Variants in CPLANE1 observed in about 807,000 individuals in gnomAD.
The protein encoded by CPLANE1 is ciliogenesis and planar polarity effector complex subunit 1, also known as ciliogenesis and planar polarity effector 1.
CPLANE1 carries 263 observed loss-of-function variants against 362.5 expected under a neutral mutation model. That is an observed-to-expected ratio of 0.73 (90% CI 0.66 to 0.80). The LOEUF is 0.80. Ranked by LOEUF, CPLANE1 falls within the 30% of genes least tolerant of loss-of-function variation. The pLI, the probability that CPLANE1 is intolerant of heterozygous loss-of-function variation, is 0.00. For synonymous variants in CPLANE1, 1,212 were observed against 1,302.6 expected, an observed-to-expected ratio of 0.93 and a Z score of 1.50; for missense variants, 3,461 against 3,793.4, an observed-to-expected ratio of 0.91 and a Z score of 2.30.
At chr5:37,089,300 A>C in the CPLANE1 span, among the ~76,000 whole-genome samples, 1 of 152,154 alleles carries the variant, frequency 6.6e-6, no homozygotes, top group South Asian at 2.1e-4. Flanking sequence ...GCAGTTATAC[A>C]ACCTCTAATC....
intron 12 of CPLANE1, among the ~76,000 whole-genome samples, chr5:37,225,956 T>C (rs1796389461): frequency 6.6e-6 from 1 of 152,032 alleles, no homozygotes; most frequent in Non-Finnish European, 1.5e-5. Context: ...ATATGTATTG[T>C]ACAACATTTG....
intron 31 of CPLANE1, 55 bp from the exon 32 acceptor site, chr5:37,174,002 TTGAA>T (rs993400168): frequency 2.6e-5 from 36 of 1,398,886 alleles, no homozygotes; most frequent in Non-Finnish European, 3.4e-5. Flanking sequence ...AAAAAACAAA[TTGAA>T]TGTCTATGAT....
At chr5:37,198,579 T>A (rs1561574072) in intron 20 of CPLANE1, 123 bp downstream of exon 20, 2 of 925,460 alleles carry the variant, frequency 2.2e-6, no homozygotes, top group Non-Finnish European at 3.2e-6. Context: ...TATGAATAAA[T>A]CTGAAATTTG....
At position 37,165,449 on chromosome 5, in the gene CPLANE1, T is replaced by C. The variant is rs578043255; in HGVS notation, c.7533+90A>G. On this transcript the variant is annotated intron_variant, in intron 36 of 52. Transcript: ENST00000651892. The stretch of plus-strand genomic sequence containing the variant: ...GATCCTCCTAGTCACAGTCAGAAGC[T>C]CCCAGCAATCAGACTAGATAAACCA... 4.0e-6 allele frequency: 5 copies of C among 1,253,956 alleles called. No homozygotes were observed. In the East Asian group the frequency reaches 1.2e-4, roughly 29 times the overall value. 77.7% of individuals were successfully genotyped at this position (1,253,956 alleles called of 1,614,324 possible).
intron 46 of CPLANE1, among the ~76,000 whole-genome samples, chr5:37,127,208 A>T (rs1462024576): frequency 6.6e-6 from 1 of 152,228 alleles, no homozygotes; most frequent in Non-Finnish European, 1.5e-5. Context: ...AATTATAGCC[A>T]TGAAAACGAC....
At position 37,183,005 on chromosome 5, in the gene CPLANE1, C is replaced by T; in HGVS notation, c.5176G>A (p.Asp1726Asn). The change falls in exon 26 of 53, where the codon GAT becomes AAT. Residue 1726 changes from aspartate to asparagine, a missense_variant. Around this residue, in one of 2 missense-constraint regions of CPLANE1, gnomAD observed 3,380 missense variants for 3,666.1 expected, o/e 0.92. Transcript: ENST00000651892. The stretch of plus-strand genomic sequence containing the variant: ...GGAAGATCTTCTTGAGGGTTAATAT[C>T]ATTGCACTGAATAGCTTTGAAAATA... ...RCIFKAIQCN[D>N]INPQEDLPLA... The T allele has an allele frequency of 1.2e-6, 2 of 1,612,836 alleles. No individual in the cohort carries two copies. The highest frequency in any genetic ancestry group is 1.7e-6 in the Non-Finnish European group (2 of 1,179,494).
intron 23 of CPLANE1, 28 bp downstream of exon 23, chr5:37,187,383 TGTA>T (rs755725058): frequency 1.0e-5 from 16 of 1,544,270 alleles, no homozygotes; most frequent in African/African-American, 1.4e-5. Flanking sequence ...CTGATTCTGA[TGTA>T]GTTTACTTTC....
Position 37,117,894 on chromosome 5 carries a change from C to CTT in CPLANE1, c.9310+2321_9310+2322insAA, listed in dbSNP as rs1478284024. Among the ~76,000 whole-genome samples, 62 of 152,330 alleles carry CTT rather than the reference C, an allele frequency of 4.1e-4. No homozygotes were observed. The East Asian group carries it at 0.012, about 28-fold the overall frequency. ...AAATTGAACACATATAACAGGAGGACATATTTCCATATAATTCAAGACTTT... is the reference window on the plus strand; with the variant it reads ...AAATTGAACACATATAACAGGAGGACTTATATTTCCATATAATTCAAGACTTT... On this transcript the variant is annotated intron_variant, in intron 50 of 52. Coordinates refer to ENST00000651892, the MANE Select transcript of CPLANE1 (RefSeq NM_001384732.1).
chr5:37,248,727 G>T (rs1740701609), intron 1 of CPLANE1, among the ~76,000 whole-genome samples: 1 of 152,154 alleles, frequency 6.6e-6, no homozygotes, highest in South Asian at 2.1e-4. Context: ...CCAGAGAAAC[G>T]CCGGCATTAG....
At chr5:37,147,748 C>T (rs993048631) in intron 43 of CPLANE1, among the ~76,000 whole-genome samples, 3 of 151,818 alleles carry the variant, frequency 2.0e-5, no homozygotes, top group Non-Finnish European at 4.4e-5. Flanking sequence ...TTCATTCTTT[C>T]AATAAAAAAT....
Position 37,170,117 on chromosome 5 carries a change from C to G in CPLANE1, c.6386G>C (p.Arg2129Thr). The G allele has an allele frequency of 1.2e-6, 2 of 1,614,190 alleles. No homozygotes were observed. Among genetic ancestry groups the G allele is most frequent in the Non-Finnish European group, 1.7e-6 (2 of 1,180,042 alleles). The change falls in exon 33 of 53, where the codon AGA becomes ACA. Residue 2129 changes from arginine to threonine, a missense_variant. By Grantham distance (71) the Arg-to-Thr change is moderately conservative (BLOSUM62 -1). Around this residue, in one of 2 missense-constraint regions of CPLANE1, gnomAD observed 3,380 missense variants for 3,666.1 expected, o/e 0.92. Coordinates refer to ENST00000651892, the MANE Select transcript of CPLANE1 (RefSeq NM_001384732.1). ...IKPQSMGENA[R>T]EPRKNSPHCH... ...GTGTGGGCTGTTCTTGCGAGGCTCT[C>G]TGGCGTTCTCTCCCATTGACTGTGG...
chr5:37,162,598 T>C lies in CPLANE1; in HGVS notation c.7589-32A>G, dbSNP rs147261849. The C allele has an allele frequency of 5.0e-4, 739 of 1,470,178 alleles. 1 individual carries two copies. In the East Asian group the frequency reaches 5.9e-3, roughly 12 times the overall value. 91.1% of individuals were successfully genotyped at this position (1,470,178 alleles called of 1,614,324 possible). The stretch of plus-strand genomic sequence containing the variant: ...TATAATAAAACATTGGAAGTAATCA[T>C]TGAGAAGCTAACAGATTACCAGGAG... On this transcript the variant is annotated intron_variant, in intron 37 of 52. Transcript: ENST00000651892.
intron 12 of CPLANE1, among the ~76,000 whole-genome samples, chr5:37,225,559 G>A (rs572396733): frequency 4.6e-5 from 7 of 152,156 alleles, no homozygotes; most frequent in African/African-American, 1.7e-4. Flanking sequence ...ATTTTTTTAA[G>A]AGGTCATTTT....
chr5:37,217,589 A>G (rs1193595624), intron 15 of CPLANE1, among the ~76,000 whole-genome samples: 1 of 151,392 alleles, frequency 6.6e-6, no homozygotes, highest in African/African-American at 2.4e-5. Context: ...CCTGGGCGAC[A>G]GAGCGAGACA....
chr5:37,151,164 C>T (rs1773453761), intron 42 of CPLANE1, among the ~76,000 whole-genome samples: 1 of 152,222 alleles, frequency 6.6e-6, no homozygotes, highest in South Asian at 2.1e-4. Context: ...TCCAATCCCA[C>T]TAACTTCTAC....
chr5:37,210,178 A>G (rs767516705), intron 16 of CPLANE1: 1 of 1,361,154 alleles, frequency 7.3e-7, no homozygotes, highest in Non-Finnish European at 1.1e-6. Flanking sequence ...GAGAGAATTC[A>G]AAAGCACCAA....
At chr5:37,171,558 T>C (rs924214197) in intron 32 of CPLANE1, among the ~76,000 whole-genome samples, 1 of 152,138 alleles carries the variant, frequency 6.6e-6, no homozygotes. Flanking sequence ...ACAGAAGAAT[T>C]TGCATTTGAT....
chr5:37,087,008 G>A, the CPLANE1 span, among the ~76,000 whole-genome samples: 2 of 152,194 alleles, frequency 1.3e-5, no homozygotes, highest in Non-Finnish European at 2.9e-5. Flanking sequence ...AGTTCAGGCT[G>A]AGGTTTCATC....
intron 9 of CPLANE1, among the ~76,000 whole-genome samples, chr5:37,230,036 C>A (rs1797363517): frequency 1.3e-5 from 2 of 151,842 alleles, no homozygotes; most frequent in Admixed American, 1.3e-4. Flanking sequence ...ATTAGCCAGG[C>A]ATGGTGGCAC....
Sources: gnomAD v4.1 joint callset for allele counts (sites outside exome capture counted in the v4.1 genomes callset) on GRCh38, gnomAD v4.1.1 for gene constraint, gnomAD v4.1.1 regional missense constraint, MANE v1.5 for transcripts, NCBI Gene and HGNC (gene_info 2026-07-23, HGNC 2026-07-21) for gene names.